BRIX1: variants seen among roughly 807,000 people sequenced by gnomAD.
The protein encoded by BRIX1 is biogenesis of ribosomes BRX1, also known as ribosome biogenesis protein BRX1 homolog.
BRIX1 carries 15 observed loss-of-function variants against 44.0 expected under a neutral mutation model. That is an observed-to-expected ratio of 0.34 (90% confidence interval 0.23 to 0.53). The LOEUF is 0.53. Among genes scored for constraint, BRIX1 ranks in the 20% least tolerant of loss-of-function variants. The pLI is 0.95. For synonymous variants in BRIX1, 149 were observed against 135.4 expected, an observed-to-expected ratio of 1.10 and a Z score of -0.70; for missense variants, 420 against 432.8, an observed-to-expected ratio of 0.97 and a Z score of 0.26.
chr5:34,923,375 G>A (rs1041032797), intron 8 of BRIX1, 141 bp downstream of exon 8: 1 of 647,552 alleles, frequency 1.5e-6, no homozygotes, highest in South Asian at 1.9e-5. Flanking sequence ...CACCTCCCGG[G>A]TTCAAGCTTC....
intron 2 of BRIX1, chr5:34,918,817 CTT>C (rs34618448): frequency 1.1e-3 from 146 of 132,312 alleles, no homozygotes; most frequent in Middle Eastern, 3.7e-3. Flanking sequence ...CTTTTTGGGC[CTT>C]TTTTTTTTTT....
chr5:34,923,354 A>C, intron 8 of BRIX1, 120 bp downstream of exon 8: 1 of 729,670 alleles, frequency 1.4e-6, no homozygotes, highest in Non-Finnish European at 2.3e-6. Flanking sequence ...ATCTTGGCTC[A>C]CTGCAACCTC....
Position 34,918,383 on chromosome 5 carries a change from A to G in BRIX1, c.179A>G (p.Glu60Gly). The G allele has an allele frequency of 6.4e-7, 1 of 1,551,922 alleles. No homozygotes were observed. Among genetic ancestry groups the G allele is most frequent in the Non-Finnish European group, 8.9e-7 (1 of 1,128,424 alleles). ...CTTTAGGGAAAGTGGAAAAATAAGG[A>G]ACGGATTCTCATCTTTTCTTCCAGA... ...PVCKGKWKNK[E>G]RILIFSSRGI... Residue 60 changes from glutamate to glycine, a missense_variant, in exon 2 of 10, where the codon GAA (glutamate) becomes GGA (glycine). Coordinates refer to ENST00000336767, the MANE Select transcript of BRIX1 (RefSeq NM_018321.4).
chr5:34,925,229 C>G lies in BRIX1; in HGVS notation c.796C>G (p.Arg266Gly). Residue 266 changes from arginine to glycine, a missense_variant, in exon 10 of 10, where the codon CGG (arginine) becomes GGG (glycine). Arg to Gly is a moderately radical substitution (Grantham distance 125, BLOSUM62 -2). Transcript: ENST00000336767. ...NPHYQSPNMHRRVIRSITAAK... is the reference protein window; with the variant it reads ...NPHYQSPNMHGRVIRSITAAK... ...AATCTTTTTTTTTTTTTTTTAGCAT[C>G]GGCGTGTCATAAGATCCATCACAGC... 2 of 1,511,204 alleles carry G rather than the reference C, an allele frequency of 1.3e-6. No individual in the cohort carries two copies. Among genetic ancestry groups the G allele is most frequent in the Non-Finnish European group, 8.8e-7 (1 of 1,131,958 alleles). The allele number at this position is 1,511,204 out of a possible 1,614,324, so 93.6% of individuals were successfully genotyped here.
At chr5:34,922,396 C>G in intron 4 of BRIX1, 109 bp downstream of exon 4, 1 of 909,536 alleles carries the variant, frequency 1.1e-6, no homozygotes. Flanking sequence ...GAGAATGAAG[C>G]AAACTTTTGA....
chr5:34,918,847 T>A (rs1764175815), intron 2 of BRIX1: 1 of 153,146 alleles, frequency 6.5e-6, no homozygotes, highest in Non-Finnish European at 1.4e-5. Context: ...CTGTTTTTAT[T>A]GAAAAATGGA....
chr5:34,916,373 G>A (rs1382022376), intron 1 of BRIX1: 1 of 153,288 alleles, frequency 6.5e-6, no homozygotes, highest in Non-Finnish European at 1.5e-5. Context: ...TTGTTAACCA[G>A]GTCATTAACT....
At chr5:34,925,013 A>G (rs998979537) in intron 9 of BRIX1, 38 bp downstream of exon 9, 2 of 1,589,818 alleles carry the variant, frequency 1.3e-6, no homozygotes, top group East Asian at 2.2e-5. Context: ...TCAATGTACC[A>G]GAACCCTTTG....
chr5:34,923,371 C>G, intron 8 of BRIX1, 137 bp downstream of exon 8: 1 of 660,142 alleles, frequency 1.5e-6, no homozygotes, highest in South Asian at 1.8e-5. Context: ...CCTCCACCTC[C>G]CGGGTTCAAG....
intron 9 of BRIX1, 24 bp downstream of exon 9, chr5:34,924,999 G>A (rs548944152): frequency 6.2e-7 from 1 of 1,608,484 alleles, no homozygotes; most frequent in Non-Finnish European, 8.5e-7. Context: ...TCATTCAGTA[G>A]TCTTCAATGT....
intron 2 of BRIX1, chr5:34,918,779 C>T (rs1764173100): frequency 9.0e-6 from 2 of 221,654 alleles, no homozygotes; most frequent in South Asian, 3.3e-4. Context: ...GATGGTTTGT[C>T]CTAAGTGCTA....
intron 3 of BRIX1, chr5:34,920,087 A>C: frequency 2.6e-6 from 1 of 377,630 alleles, no homozygotes; most frequent in South Asian, 3.7e-5. Flanking sequence ...TGTCTGAACA[A>C]GCATATTGAA....
At chr5:34,916,020 T>C (rs923177082) in intron 1 of BRIX1, 123 bp downstream of exon 1, 2 of 1,174,530 alleles carry the variant, frequency 1.7e-6, no homozygotes, top group African/African-American at 3.1e-5. Flanking sequence ...GGTAGGTCGG[T>C]TTTAGCAATT....
At position 34,916,182 on chromosome 5, in the gene BRIX1, G is replaced by A. The variant is rs2069462; in HGVS notation, c.159+285G>A. ...AGCGTTCTTTCTTACTAGTTGTTCA[G>A]TTGTTTTTTTTTTTTAATGTTTTTG... On this transcript the variant is annotated intron_variant, in intron 1 of 9. Transcript: ENST00000336767. The A allele has an allele frequency of 2.9e-3, 834 of 284,324 alleles. 3 individuals carry two copies. The highest frequency in any genetic ancestry group is 0.011 in the South Asian group (108 of 9,612). 17.6% of individuals were successfully genotyped at this position (284,324 alleles called of 1,614,324 possible).
rs780312889 is a variant in BRIX1, at chr5:34,922,706, G to C, written c.448G>C (p.Ala150Pro). 6.2e-7 allele frequency: 1 copy of C among 1,613,626 alleles called. No individual in the cohort carries two copies. The highest frequency in any genetic ancestry group is 1.1e-5 in the South Asian group (1 of 91,044). Residue 150 changes from alanine to proline, a missense_variant, in exon 6 of 10, where the codon GCT (alanine) becomes CCT (proline). By Grantham distance (27) the Ala-to-Pro change is conservative. Transcript: ENST00000336767. ...TGTAATTTTTCTAGTTCATACCCTC[G>C]CTGAACTGAAGATGACTGGAAACTG... The part of the protein sequence containing the change: ...KFLVQNIHTL[A>P]ELKMTGNCLK...
rs941777778 is a variant in BRIX1, at chr5:34,925,752, T to C, written c.*257T>C. 1.5e-5 allele frequency: 5 copies of C among 334,566 alleles called. No individual in the cohort carries two copies. In the Admixed American group the frequency reaches 2.3e-4, roughly 16 times the overall value. The allele number at this position is 334,566 out of a possible 1,614,324, so 20.7% of individuals were successfully genotyped here. A position where few individuals can be genotyped will look rare whatever the true frequency, so the allele number is the denominator to read the frequency against. On this transcript the variant is annotated 3_prime_UTR_variant, in exon 10 of 10. Coordinates refer to ENST00000336767, the MANE Select transcript of BRIX1 (RefSeq NM_018321.4). Reference sequence around the variant, plus strand: ...ACTTAATGTAGCCTGTTCTCTTGGGTTGGAATTTTTGGTTTAGCAAAGCTG... The same window carrying C: ...ACTTAATGTAGCCTGTTCTCTTGGGCTGGAATTTTTGGTTTAGCAAAGCTG...
Position 34,922,687 on chromosome 5 carries a change from T to C in BRIX1, c.437-8T>C. The C allele has an allele frequency of 6.2e-7, 1 of 1,612,780 alleles. No homozygotes were observed. The highest frequency in any genetic ancestry group is 8.5e-7 in the Non-Finnish European group (1 of 1,179,234). On this transcript the variant is annotated splice_polypyrimidine_tract_variant and splice_region_variant and intron_variant, in intron 5 of 9. Transcript: ENST00000336767. ...CAACTATTTTTGTTTTTGTTGTAATTTTTCTAGTTCATACCCTCGCTGAAC... is the reference window on the plus strand; with the variant it reads ...CAACTATTTTTGTTTTTGTTGTAATCTTTCTAGTTCATACCCTCGCTGAAC...
rs1764255406 is a variant in BRIX1 at position 34,922,244 on chromosome 5, T to C, written c.343T>C (p.Cys115Arg). The change falls in exon 4 of 10, where the codon TGC (cysteine) becomes CGC (arginine). Residue 115 changes from cysteine to arginine, a missense_variant. Cys to Arg is a radical substitution (Grantham distance 180). Transcript: ENST00000336767. Reference protein sequence around the residue: ...EVCEMKNCNKCIYFEAKKKQD... With the variant: ...EVCEMKNCNKRIYFEAKKKQD... ...TTGTGAAATGAAGAACTGTAATAAA[T>C]GCATCTATTTTGAAGCTAAGAAAAA... 2.5e-6 allele frequency: 4 copies of C among 1,590,176 alleles called. No individual in the cohort carries two copies. Among genetic ancestry groups the C allele is most frequent in the Non-Finnish European group, 3.4e-6 (4 of 1,162,192 alleles).
intron 1 of BRIX1, 26 bp downstream of exon 1, chr5:34,915,923 A>C (rs1214143047): frequency 6.6e-7 from 1 of 1,514,576 alleles, no homozygotes; most frequent in Non-Finnish European, 8.8e-7. Context: ...CCCGGGCTAC[A>C]CCTGCGGCGG....
Sources: gnomAD v4.1 joint callset for allele counts on GRCh38, gnomAD v4.1.1 for gene constraint, MANE v1.5 for transcripts, NCBI Gene and HGNC (gene_info 2026-07-23, HGNC 2026-07-21) for gene names.